KIF19: variants seen among roughly 807,000 people sequenced by gnomAD.
KIF19 encodes kinesin-like protein KIF19.
KIF19 carries 98 observed loss-of-function variants against 106.6 expected under a neutral mutation model. That is an observed-to-expected ratio of 0.92 (90% CI 0.78 to 1.09). The LOEUF is 1.09. Ranked by LOEUF, KIF19 falls within the 50% of genes least tolerant of loss-of-function variation. The probability of loss-of-function intolerance (pLI) is 0.00; values close to 1 mark genes in which losing one functional copy is unlikely to be tolerated. For synonymous variants in KIF19, 516 were observed against 584.2 expected (o/e 0.88, Z 1.68); for missense variants, 1,373 against 1,414.3 (o/e 0.97, Z 0.47).
At chr17:74,352,750 T>C in intron 14 of KIF19, 71 bp from the exon 15 acceptor site, 7 of 1,586,106 alleles carry the variant, frequency 4.4e-6, no homozygotes, top group South Asian at 3.4e-5. Flanking sequence ...CCTGTAAGCC[T>C]TTGTGACTCT....
At chr17:74,335,314 GGTCCGTGCT>G (rs2054192839) in intron 2 of KIF19, among the ~76,000 whole-genome samples, 1 of 152,242 alleles carries the variant, frequency 6.6e-6, no homozygotes, top group Non-Finnish European at 1.5e-5. Context: ...GAGAAAGCCT[GGTCCGTGCT>G]CAGGCATTTG....
In KIF19 at chr17:74,346,798, AC is replaced by A. The variant is rs1285649246; in HGVS notation, c.924+279del. On this transcript the variant is annotated intron_variant, in intron 8 of 19. Transcript: ENST00000389916. This position sits in a 1 kb window ranked among gnomAD's most constrained non-coding sequence, Gnocchi z 4.6. ...ATGGGAAGGAAAAGGAGCACGTGATACCCCCACCCAGGGCTGTGGGTCAGAG... is the reference window on the plus strand; with the variant it reads ...ATGGGAAGGAAAAGGAGCACGTGATACCCCACCCAGGGCTGTGGGTCAGAG... 2.6e-5 allele frequency among the ~76,000 whole-genome samples: 4 copies of A among 152,156 alleles called. No individual in the cohort carries two copies. Among genetic ancestry groups the A allele is most frequent in the Non-Finnish European group, 5.9e-5 (4 of 68,026 alleles).
intron 12 of KIF19, 154 bp downstream of exon 12, chr17:74,351,059 T>C (rs907849902): frequency 2.8e-6 from 2 of 715,432 alleles, no homozygotes; most frequent in Non-Finnish European, 4.8e-6. Context: ...CTTTAACTTC[T>C]CTATGCGTCA....
At position 74,349,262 on chromosome 17, in the gene KIF19, C is replaced by T; in HGVS notation, c.1126C>T (p.Gln376Ter). The change falls in exon 10 of 20, where the codon CAG (glutamine) becomes TAG (stop). Residue 376 changes from glutamine to a stop codon, truncating the protein, a stop_gained. Transcript: ENST00000389916. LOFTEE classifies it high-confidence loss of function. ...CATCGCTGACCTGCGGGGCGAGATCCAGCGACTCAAGCGCAAGATTGATGA... is the reference window on the plus strand; with the variant it reads ...CATCGCTGACCTGCGGGGCGAGATCTAGCGACTCAAGCGCAAGATTGATGA... ...SIIADLRGEIQRLKRKIDEQT... is the reference protein window; with the variant it reads ...SIIADLRGEI The T allele has an allele frequency of 6.2e-7, 1 of 1,613,524 alleles. No homozygotes were observed. Among genetic ancestry groups the T allele is most frequent in the East Asian group, 2.2e-5 (1 of 44,884 alleles).
chr17:74,352,450 C>G (rs1598399305), intron 14 of KIF19, 110 bp downstream of exon 14: 1 of 1,359,874 alleles, frequency 7.4e-7, no homozygotes, highest in African/African-American at 1.5e-5. Flanking sequence ...GGCTGGCTGG[C>G]ACCCCAGGGA....
At chr17:74,351,186 A>T (rs2054691521) in intron 12 of KIF19, 2 of 461,646 alleles carry the variant, frequency 4.3e-6, no homozygotes, top group South Asian at 4.3e-5. Context: ...CTAATGTTAT[A>T]ATTAGGGTTT....
chr17:74,348,249 C>T (rs1014591969), intron 9 of KIF19, among the ~76,000 whole-genome samples: 7 of 152,236 alleles, frequency 4.6e-5, no homozygotes, highest in African/African-American at 1.4e-4. Flanking sequence ...CTTCATTGAG[C>T]ACTTGCTCTG....
chr17:74,350,277 C>A, intron 10 of KIF19, 124 bp from the exon 11 acceptor site: 3 of 835,558 alleles, frequency 3.6e-6, no homozygotes, highest in Admixed American at 5.5e-5. Flanking sequence ...CTGGAGGAAG[C>A]AGTTGGACAG....
Position 74,344,303 on chromosome 17 carries a change from C to T in KIF19, c.537C>T (p.Ile179=). Residue 179 remains isoleucine, a synonymous_variant, in exon 6 of 20, where the codon ATC becomes ATT. Coordinates refer to ENST00000389916, the MANE Select transcript of KIF19 (RefSeq NM_153209.4). ...LELREDSKGV[I]QVAGITEVST... is the part of the protein sequence containing the mutation. ...TGCGGGAGGACTCTAAGGGGGTGAT[C>T]CAGGTGGCCGGCATCACCGAAGTCT... is the stretch of plus-strand genomic sequence containing the variant. The T allele has an allele frequency of 6.2e-7, 1 of 1,612,852 alleles. No individual in the cohort carries two copies. Among genetic ancestry groups the T allele is most frequent in the South Asian group, 1.1e-5 (1 of 91,048 alleles).
rs758742639 is a variant in KIF19 at position 74,350,739 on chromosome 17, A to G, written c.1421A>G (p.Lys474Arg). Reference sequence around the variant, plus strand: ...CATGAGAAGTCCCGCCGGGCCCTCAAATGGCGGGAGGAGCAGCGAAAGGAG... The same window carrying G: ...CATGAGAAGTCCCGCCGGGCCCTCAGATGGCGGGAGGAGCAGCGAAAGGAG... ...WKHEKSRRAL[K>R]WREEQRKECY... The change falls in exon 12 of 20, where the codon AAA becomes AGA. Residue 474 changes from lysine to arginine, a missense_variant. By Grantham distance (26) the Lys-to-Arg change is conservative. Coordinates refer to ENST00000389916, the MANE Select transcript of KIF19 (RefSeq NM_153209.4). 1.3e-5 allele frequency: 21 copies of G among 1,613,802 alleles called. No homozygotes were observed. Among genetic ancestry groups the G allele is most frequent in the African/African-American group, 4.0e-5 (3 of 74,932 alleles).
rs777487334 is a variant in KIF19 at position 74,354,562 on chromosome 17, G to A, written c.2706+3G>A. On this transcript the variant is annotated splice_donor_region_variant and intron_variant, in intron 18 of 19. Transcript: ENST00000389916. ...CCTTCGAGGTCACCGGGCAAGGGGT[G>A]AGGCGAGGCGCAGGGGTGGGTGTCT... 3 of 1,588,660 alleles carry A rather than the reference G, an allele frequency of 1.9e-6. No individual in the cohort carries two copies. Among genetic ancestry groups the A allele is most frequent in the South Asian group, 2.3e-5 (2 of 87,414 alleles).
rs943669950 is a variant in KIF19 at position 74,339,215 on chromosome 17, G to C, written c.121-2661G>C. Among the ~76,000 whole-genome samples the C allele has an allele frequency of 1.1e-3, 167 of 152,060 alleles. 1 individual carries two copies. Among genetic ancestry groups the C allele is most frequent in the Admixed American group, 0.011 (163 of 15,288 alleles). The stretch of plus-strand genomic sequence containing the variant: ...CCCCACAAGGCCCCTCGTGGGAGTA[G>C]GGGTGGAAGTGTGTGCGTGAGAGGC... On this transcript the variant is annotated intron_variant, in intron 2 of 19. Transcript: ENST00000389916.
intron 6 of KIF19, 119 bp from the exon 7 acceptor site, chr17:74,344,642 G>A: frequency 9.0e-7 from 1 of 1,109,844 alleles, no homozygotes. Context: ...GCCCACTCCA[G>A]CCTGCCCTTT....
chr17:74,341,787 G>A, intron 2 of KIF19, 89 bp from the exon 3 acceptor site: 1 of 864,134 alleles, frequency 1.2e-6, no homozygotes, highest in East Asian at 2.4e-5. Flanking sequence ...TCGACAAAGG[G>A]GTTAACTTTG....
rs1163685546 is a variant in KIF19 at position 74,346,361 on chromosome 17, C to T, written c.778-17C>T. The T allele has an allele frequency of 1.3e-6, 2 of 1,565,276 alleles. No homozygotes were observed. The highest frequency in any genetic ancestry group is 1.7e-6 in the Non-Finnish European group (2 of 1,155,056). On this transcript the variant is annotated splice_polypyrimidine_tract_variant and intron_variant, in intron 7 of 19. Coordinates refer to ENST00000389916, the MANE Select transcript of KIF19 (RefSeq NM_153209.4). This position sits in a 1 kb window ranked among gnomAD's most constrained non-coding sequence, Gnocchi z 4.6. ...TGCCTCATCAGGCCACACGTGTGCC[C>T]TTTGCTCGCCCCCTAGACACAGAAT...
chr17:74,333,848 T>G (rs1045048667), intron 2 of KIF19, among the ~76,000 whole-genome samples: 2 of 112,206 alleles, frequency 1.8e-5, no homozygotes, highest in Admixed American at 1.1e-4. Context: ...ACTCCTTTTT[T>G]TTTTCTTTTT....
At chr17:74,353,345 G>T in intron 16 of KIF19, 44 bp downstream of exon 16, 1 of 1,510,458 alleles carries the variant, frequency 6.6e-7, no homozygotes, top group Non-Finnish European at 9.0e-7. Context: ...CCACTGCAGC[G>T]GGTGCGGGAC....
At chr17:74,345,272 G>A (rs1199931593) in intron 7 of KIF19, among the ~76,000 whole-genome samples, 2 of 152,088 alleles carry the variant, frequency 1.3e-5, no homozygotes, top group African/African-American at 2.4e-5. Context: ...AGGAGGATGG[G>A]GGTTTCTCCA....
intron 9 of KIF19, among the ~76,000 whole-genome samples, 181 bp downstream of exon 9, chr17:74,348,080 G>T (rs2054590093): frequency 6.6e-6 from 1 of 152,162 alleles, no homozygotes; most frequent in Non-Finnish European, 1.5e-5. Context: ...TCCTCTGCCG[G>T]GAAGCCGACA....
Sources: allele counts gnomAD v4.1 joint callset (sites outside exome capture counted in the v4.1 genomes callset), GRCh38; gene constraint gnomAD v4.1.1; non-coding constraint Gnocchi (gnomAD v3.1); transcripts MANE v1.5; gene names NCBI Gene and HGNC (gene_info 2026-07-23, HGNC 2026-07-21).